The following HS3ST4 variants were observed in gnomAD, a reference collection of about 807,000 sequenced individuals.
HS3ST4 encodes the protein heparan sulfate-glucosamine 3-sulfotransferase 4, also known as heparan sulfate glucosamine 3-O-sulfotransferase 4.
HS3ST4 carries 17 observed loss-of-function variants against 29.2 expected under a neutral mutation model. The observed-to-expected ratio is 0.58, with a 90% CI of 0.40 to 0.87. HS3ST4 has a LOEUF of 0.87. Among genes scored for constraint, HS3ST4 ranks in the 40% least tolerant of loss-of-function variants. The pLI, the probability that HS3ST4 is intolerant of heterozygous loss-of-function variation, is 0.00. For synonymous variants in HS3ST4, 314 were observed against 285.7 expected (o/e 1.10, Z -1.00); for missense variants, 627 against 634.5 (o/e 0.99, Z 0.13).
chr16:26,081,776 G>T (rs2141782975), intron 1 of HS3ST4, among the ~76,000 whole-genome samples: 1 of 147,944 alleles, frequency 6.8e-6, no homozygotes, highest in Non-Finnish European at 1.5e-5. Context: ...TGTACTTCAG[G>T]GAGTACATTC....
At chr16:25,698,061 T>C (rs954888304) in intron 1 of HS3ST4, among the ~76,000 whole-genome samples, 3 of 151,986 alleles carry the variant, frequency 2.0e-5, no homozygotes, top group African/African-American at 7.3e-5. Context: ...TGGAAAGTAA[T>C]TGGGGAATGT....
At chr16:25,828,246 T>TTCTTTC (rs1967245325) in intron 1 of HS3ST4, among the ~76,000 whole-genome samples, 3 of 55,916 alleles carry the variant, frequency 5.4e-5, no homozygotes, top group African/African-American at 2.5e-4. Flanking sequence ...TTCTTTCTCT[T>TTCTTTC]TCTTTCTTTC....
intron 1 of HS3ST4, among the ~76,000 whole-genome samples, chr16:26,100,859 T>C (rs1025951618): frequency 2.0e-5 from 3 of 152,152 alleles, no homozygotes; most frequent in Admixed American, 6.6e-5. Context: ...TCCTATGAGA[T>C]AGTCAAGGAA....
intron 1 of HS3ST4, among the ~76,000 whole-genome samples, chr16:25,755,121 C>T (rs995484162): frequency 2.0e-5 from 3 of 151,286 alleles, no homozygotes; most frequent in African/African-American, 4.9e-5. Flanking sequence ...TCCTTCCACC[C>T]CTCCACCCCT....
intron 1 of HS3ST4, among the ~76,000 whole-genome samples, chr16:26,108,969 T>A (rs1395155128): frequency 6.6e-6 from 1 of 152,114 alleles, no homozygotes; most frequent in Non-Finnish European, 1.5e-5. Context: ...TGACCCATCC[T>A]GCCCCACCCT....
chr16:25,958,365 C>T (rs2141700568), intron 1 of HS3ST4, among the ~76,000 whole-genome samples: 1 of 152,118 alleles, frequency 6.6e-6, no homozygotes, highest in South Asian at 2.1e-4. Context: ...GGAGTCTTGC[C>T]CTGTCACCCA....
intron 1 of HS3ST4, among the ~76,000 whole-genome samples, chr16:25,971,828 G>T (rs972196587): frequency 2.0e-5 from 3 of 152,188 alleles, no homozygotes; most frequent in Non-Finnish European, 4.4e-5. Flanking sequence ...CTACTTGGGA[G>T]GCTGAGGTGT....
intron 1 of HS3ST4, among the ~76,000 whole-genome samples, chr16:26,107,506 T>G (rs1435259610): frequency 6.6e-6 from 1 of 152,192 alleles, no homozygotes; most frequent in East Asian, 1.9e-4. Context: ...TAGTGTATAT[T>G]GTAGCCAAAA....
At chr16:26,085,290 T>C (rs1398213957) in intron 1 of HS3ST4, among the ~76,000 whole-genome samples, 1 of 152,208 alleles carries the variant, frequency 6.6e-6, no homozygotes, top group Non-Finnish European at 1.5e-5. Flanking sequence ...AGATGGCACA[T>C]GTGAAAGTGA....
intron 1 of HS3ST4, among the ~76,000 whole-genome samples, chr16:25,815,335 G>A (rs1375852368): frequency 1.3e-5 from 2 of 152,112 alleles, no homozygotes; most frequent in Non-Finnish European, 2.9e-5. Flanking sequence ...TAAGCACAAA[G>A]GAAATATTTT....
At chr16:26,115,808 T>C (rs1899195253) in intron 1 of HS3ST4, among the ~76,000 whole-genome samples, 1 of 152,130 alleles carries the variant, frequency 6.6e-6, no homozygotes, top group Non-Finnish European at 1.5e-5. Context: ...CTGGGGCCAC[T>C]GCCCTGCTTC....
intron 1 of HS3ST4, among the ~76,000 whole-genome samples, chr16:25,812,798 C>T (rs889724911): frequency 6.6e-6 from 1 of 151,806 alleles, no homozygotes; most frequent in Middle Eastern, 3.2e-3. Flanking sequence ...ACCTCCTAGT[C>T]TCAAGCGATC....
At chr16:25,921,432 C>G (rs1968352022) in intron 1 of HS3ST4, among the ~76,000 whole-genome samples, 1 of 152,016 alleles carries the variant, frequency 6.6e-6, no homozygotes, top group African/African-American at 2.4e-5. Context: ...CCTTATTGGC[C>G]AAGAAATAAG....
intron 1 of HS3ST4, among the ~76,000 whole-genome samples, chr16:25,782,267 T>C (rs947002612): frequency 6.6e-6 from 1 of 152,180 alleles, no homozygotes; most frequent in Non-Finnish European, 1.5e-5. Context: ...GGGATTACAA[T>C]TCAAGATGAG....
At chr16:26,003,456 T>C (rs1379195935) in intron 1 of HS3ST4, among the ~76,000 whole-genome samples, 1 of 152,168 alleles carries the variant, frequency 6.6e-6, no homozygotes, top group East Asian at 1.9e-4. Context: ...CTATCACAAA[T>C]CTGCCTCTCT....
chr16:25,938,751 C>T (rs992208441), intron 1 of HS3ST4, among the ~76,000 whole-genome samples: 15 of 152,164 alleles, frequency 9.9e-5, no homozygotes, highest in African/African-American at 3.6e-4. Context: ...CCTTTTACTG[C>T]AGGCTCAGCT....
chr16:25,706,294 CCT>C (rs1177301236), intron 1 of HS3ST4, among the ~76,000 whole-genome samples: 1 of 152,138 alleles, frequency 6.6e-6, no homozygotes, highest in Non-Finnish European at 1.5e-5. Flanking sequence ...ATTGACCTAT[CCT>C]CTCTTTTCAG....
At position 26,116,407 on chromosome 16, in the gene HS3ST4, AG is replaced by A. The variant is rs574720723; in HGVS notation, c.735-19201del. Among the ~76,000 whole-genome samples, 605 of 152,324 alleles carry A rather than the reference AG, an allele frequency of 4.0e-3. 3 individuals are homozygous for A. Among genetic ancestry groups the A allele is most frequent in the Middle Eastern group, 0.017 (5 of 294 alleles). On this transcript the variant is annotated intron_variant, in intron 1 of 1. Transcript: ENST00000331351. ...AAGTCCCTGATCACACCCGCATTCA[AG>A]GGGAGAAGGTTATGCAAGGACATAG...
chr16:25,813,845 G>A (rs181314873), intron 1 of HS3ST4, among the ~76,000 whole-genome samples: 7 of 152,200 alleles, frequency 4.6e-5, no homozygotes, highest in African/African-American at 1.7e-4. Flanking sequence ...GTCCATTATC[G>A]GGTGAGTGGA....
Sources: gnomAD v4.1 joint callset for allele counts (sites outside exome capture counted in the v4.1 genomes callset) on GRCh38, gnomAD v4.1.1 for gene constraint, MANE v1.5 for transcripts, NCBI Gene and HGNC (gene_info 2026-07-23, HGNC 2026-07-21) for gene names.